ARID1B: variants seen among roughly 807,000 people sequenced by gnomAD.
ARID1B encodes AT-rich interactive domain-containing protein 1B.
Under a neutral mutation model 212.3 loss-of-function variants are expected in ARID1B, and 30 were observed. That is an observed-to-expected ratio of 0.14 (90% CI 0.11 to 0.19). ARID1B has a LOEUF of 0.19. Among genes scored for constraint, ARID1B ranks in the 10% least tolerant of loss-of-function variants. The pLI is 1.00. For missense variants in ARID1B, 2,891 were observed against 3,204.0 expected (o/e 0.90, Z 2.36); for synonymous variants, 1,402 against 1,301.7 (o/e 1.08, Z -1.66).
intron 3 of ARID1B, among the ~76,000 whole-genome samples, chr6:156,908,170 G>A (rs1789561133): frequency 6.6e-6 from 1 of 151,880 alleles, no homozygotes; most frequent in Non-Finnish European, 1.5e-5. Context: ...CAAAGTGCTG[G>A]GATTACAGGC....
intron 4 of ARID1B, among the ~76,000 whole-genome samples, chr6:157,079,836 G>C (rs761972897): frequency 2.6e-5 from 4 of 152,128 alleles, no homozygotes; most frequent in Non-Finnish European, 1.5e-5. Context: ...AAGAAGGTGA[G>C]GGTGTAGTTG....
At chr6:156,927,753 T>G (rs1462039492) in intron 3 of ARID1B, among the ~76,000 whole-genome samples, 1 of 152,252 alleles carries the variant, frequency 6.6e-6, no homozygotes, top group African/African-American at 2.4e-5. Context: ...GTTTTTGTGT[T>G]GCTGTGTCTA....
rs746210543 is a variant in ARID1B, at chr6:157,181,109, C to G, written c.3645C>G (p.Ala1215=). The G allele has an allele frequency of 6.2e-7, 1 of 1,614,150 alleles. No individual in the cohort carries two copies. The highest frequency in any genetic ancestry group is 8.5e-7 in the Non-Finnish European group (1 of 1,180,046). ...GCTCTCCTGTCTCAAGTCTGCCTGC[C>G]GTGGGCAAGAAGCCCCTGGACCTGT... is the stretch of plus-strand genomic sequence containing the variant. ...ERGSPVSSLP[A]VGKKPLDLFR... Residue 1215 remains alanine (A), a synonymous_variant, in exon 12 of 20, where the codon GCC becomes GCG. Coordinates refer to ENST00000636930, the MANE Select transcript of ARID1B (RefSeq NM_001374828.1).
intron 4 of ARID1B, among the ~76,000 whole-genome samples, chr6:156,989,476 C>T (rs1205310877): frequency 6.6e-6 from 1 of 152,142 alleles, no homozygotes; most frequent in Non-Finnish European, 1.5e-5. Flanking sequence ...TATACAAAGC[C>T]AGTGTATAAA....
chr6:156,807,816 A>G (rs1050577155), intron 1 of ARID1B, among the ~76,000 whole-genome samples: 5 of 152,126 alleles, frequency 3.3e-5, no homozygotes, highest in African/African-American at 4.8e-5. Flanking sequence ...GTCACTGAAC[A>G]GTGAAAAAAC....
chr6:156,874,582 C>T (rs1252928006), intron 2 of ARID1B, among the ~76,000 whole-genome samples: 2 of 152,214 alleles, frequency 1.3e-5, no homozygotes, highest in Non-Finnish European at 2.9e-5. Flanking sequence ...GTCCCCTTTT[C>T]AGTGTGGCCT....
At chr6:157,066,780 T>C (rs1783701905) in intron 4 of ARID1B, among the ~76,000 whole-genome samples, 1 of 152,206 alleles carries the variant, frequency 6.6e-6, no homozygotes, top group Non-Finnish European at 1.5e-5. Context: ...GGAGATGCAC[T>C]TGAATTATTA....
intron 2 of ARID1B, among the ~76,000 whole-genome samples, chr6:156,880,392 T>G (rs1212964601): frequency 6.6e-6 from 1 of 152,094 alleles, no homozygotes; most frequent in Non-Finnish European, 1.5e-5. Context: ...TTAAGGCTCT[T>G]TATAGAGTAG....
rs151040146 is a variant in ARID1B at position 156,998,940 on chromosome 6, G to T, written c.2247+63364G>T. On this transcript the variant is annotated intron_variant, in intron 4 of 19. Coordinates refer to ENST00000636930, the MANE Select transcript of ARID1B (RefSeq NM_001374828.1). ...GGAGCCTTTTGAGCAGGCTTCACTG[G>T]TGTGAGAACACATTCCAAGTTAAAT... 1.5e-3 allele frequency among the ~76,000 whole-genome samples: 225 copies of T among 152,366 alleles called. 2 individuals are homozygous for T. Among genetic ancestry groups the T allele is most frequent in the African/African-American group, 5.2e-3 (215 of 41,588 alleles).
intron 2 of ARID1B, among the ~76,000 whole-genome samples, chr6:156,856,692 TCTCTCTCTCA>T (rs1784958361): frequency 2.4e-5 from 2 of 83,482 alleles, no homozygotes; most frequent in Non-Finnish European, 2.5e-5. Context: ...TCTCTCTCTC[TCTCTCTCTCA>T]CACACACACA....
chr6:156,974,999 T>C (rs1415861245), intron 4 of ARID1B, among the ~76,000 whole-genome samples: 1 of 152,182 alleles, frequency 6.6e-6, no homozygotes, highest in African/African-American at 2.4e-5. Flanking sequence ...CATGTGTAGG[T>C]CTTTCTGTAG....
intron 3 of ARID1B, among the ~76,000 whole-genome samples, chr6:156,933,205 T>C (rs946049491): frequency 2.0e-5 from 3 of 152,102 alleles, no homozygotes; most frequent in Non-Finnish European, 4.4e-5. Flanking sequence ...CATAGGACTT[T>C]TGAGCCTGTT....
intron 1 of ARID1B, among the ~76,000 whole-genome samples, chr6:156,780,990 A>C (rs1270087833): frequency 6.6e-6 from 1 of 152,206 alleles, no homozygotes; most frequent in African/African-American, 2.4e-5. Context: ...TAAAACCTTA[A>C]AATTTTTTTA....
intron 3 of ARID1B, among the ~76,000 whole-genome samples, chr6:156,914,691 G>C (rs1483068141): frequency 6.6e-6 from 1 of 152,124 alleles, no homozygotes; most frequent in East Asian, 1.9e-4. Flanking sequence ...ATCTATGTAT[G>C]TCCAGCTCCT....
chr6:156,781,975 C>CTTTTTTTTTTTTTTTT lies in ARID1B; in HGVS notation c.1791+2518_1791+2533dup, dbSNP rs57443841. On this transcript the variant is annotated intron_variant, in intron 1 of 19. Transcript: ENST00000636930. ...TGTCCCTATGACCCTTGGGAATAGG[C>CTTTTTTTTTTTTTTTT]TTTTTTTTTTTTTTTTTTTTTTTTT... Among the ~76,000 whole-genome samples the CTTTTTTTTTTTTTTTT allele has an allele frequency of 3.3e-4, 13 of 39,228 alleles. 1 individual carries two copies. Among genetic ancestry groups the CTTTTTTTTTTTTTTTT allele is most frequent in the African/African-American group, 5.0e-4 (6 of 11,996 alleles). 25.7% of individuals were successfully genotyped at this position (39,228 alleles called of 152,430 possible).
At chr6:157,160,060 G>T (rs1271142108) in intron 8 of ARID1B, among the ~76,000 whole-genome samples, 1 of 152,214 alleles carries the variant, frequency 6.6e-6, no homozygotes, top group Non-Finnish European at 1.5e-5. Flanking sequence ...TTGTCTGCTA[G>T]CACTGAATAC....
At chr6:156,897,008 A>C in intron 2 of ARID1B, among the ~76,000 whole-genome samples, 1 of 152,322 alleles carries the variant, frequency 6.6e-6, no homozygotes, top group East Asian at 1.9e-4. Context: ...CTGACCCTGC[A>C]TATTTAACGT....
At chr6:156,934,086 G>A (rs1791963350) in intron 3 of ARID1B, among the ~76,000 whole-genome samples, 1 of 152,218 alleles carries the variant, frequency 6.6e-6, no homozygotes, top group African/African-American at 2.4e-5. Context: ...AGTAGAACTT[G>A]TATATGATGT....
chr6:156,861,828 C>T lies in ARID1B; in HGVS notation c.1986+32407C>T, dbSNP rs144301927. Among the ~76,000 whole-genome samples the T allele has an allele frequency of 4.7e-3, 720 of 152,176 alleles. 4 individuals carry two copies. The highest frequency in any genetic ancestry group is 0.016 in the African/African-American group (681 of 41,524). Reference sequence around the variant, plus strand: ...CTGGTGGTATGGAAAGTGGGCTAGACAGGGAGCCTGAAAGGAAGGTGAGTG... The same window carrying T: ...CTGGTGGTATGGAAAGTGGGCTAGATAGGGAGCCTGAAAGGAAGGTGAGTG... On this transcript the variant is annotated intron_variant, in intron 2 of 19. Transcript: ENST00000636930.
Sources: gnomAD v4.1 joint callset for allele counts (sites outside exome capture counted in the v4.1 genomes callset) on GRCh38, gnomAD v4.1.1 for gene constraint, MANE v1.5 for transcripts, NCBI Gene and HGNC (gene_info 2026-07-23, HGNC 2026-07-21) for gene names.